The following PAPPA2 variants were observed in gnomAD, a reference collection of about 807,000 sequenced individuals.
The protein encoded by PAPPA2 is pappalysin 2, also known as pappalysin-2.
In PAPPA2, 86 loss-of-function variants were observed where a neutral mutation model predicts 176.4. The observed-to-expected ratio is 0.49, with a 90% CI of 0.41 to 0.58. The LOEUF (loss-of-function observed/expected upper bound fraction) is 0.58. Ranked by LOEUF, PAPPA2 falls within the 20% of genes least tolerant of loss-of-function variation. PAPPA2 has a pLI of 0.00. For missense variants in PAPPA2, 2,073 were observed against 2,256.9 expected, an observed-to-expected ratio of 0.92 and a Z score of 1.65; for synonymous variants, 809 against 852.2, an observed-to-expected ratio of 0.95 and a Z score of 0.88.
intron 15 of PAPPA2, 30 bp from the exon 16 acceptor site, chr1:176,769,577 C>T (rs1230637897): frequency 6.2e-7 from 1 of 1,606,736 alleles, no homozygotes; most frequent in South Asian, 1.1e-5. Context: ...TTTAATGTGA[C>T]TTTGACAGAA....
chr1:176,682,670 C>T (rs1198560073), intron 4 of PAPPA2, among the ~76,000 whole-genome samples: 1 of 152,026 alleles, frequency 6.6e-6, no homozygotes, highest in Non-Finnish European at 1.5e-5. Context: ...ATTCACTTCT[C>T]TTTCTAGCTC....
intron 9 of PAPPA2, among the ~76,000 whole-genome samples, chr1:176,705,038 A>C (rs2102826179): frequency 6.6e-6 from 1 of 152,280 alleles, no homozygotes; most frequent in African/African-American, 2.4e-5. Context: ...TGAAAATATA[A>C]AGTTGCCGAC....
intron 2 of PAPPA2, among the ~76,000 whole-genome samples, chr1:176,573,013 G>A (rs574920532): frequency 1.2e-4 from 18 of 152,292 alleles, no homozygotes; most frequent in African/African-American, 3.6e-4. Flanking sequence ...AGAAACATCC[G>A]GGAAATTGGT....
At chr1:176,674,377 T>C (rs1480741608) in intron 4 of PAPPA2, among the ~76,000 whole-genome samples, 1 of 152,120 alleles carries the variant, frequency 6.6e-6, no homozygotes, top group African/African-American at 2.4e-5. Flanking sequence ...CAGTGTACAC[T>C]GTACCAGTGT....
In PAPPA2 at chr1:176,556,180, T is replaced by C. The variant is rs879112298; in HGVS notation, c.-143T>C. On this transcript the variant is annotated 5_prime_UTR_variant, in exon 2 of 23. Transcript: ENST00000367662. ...GCCAGCAGAGGCATTCTTGGGGCTA[T>C]TTGAAAAAGTTTGGTCTGTGAACAA... is the stretch of plus-strand genomic sequence containing the variant. The C allele has an allele frequency of 1.5e-5, 15 of 982,004 alleles. No individual in the cohort carries two copies. Among genetic ancestry groups the C allele is most frequent in the South Asian group, 1.3e-4 (8 of 61,972 alleles). The allele number at this position is 982,004 out of a possible 1,614,324, so 60.8% of individuals were successfully genotyped here. A position where few individuals can be genotyped will look rare whatever the true frequency, so the allele number is the denominator to read the frequency against.
intron 3 of PAPPA2, among the ~76,000 whole-genome samples, chr1:176,633,447 G>T (rs904542365): frequency 3.9e-5 from 6 of 152,150 alleles, no homozygotes; most frequent in Non-Finnish European, 8.8e-5. Flanking sequence ...GTAAAAATTT[G>T]AAAACCTGAA....
In PAPPA2 at chr1:176,692,246, T is replaced by C. The variant is rs758611699; in HGVS notation, c.2552T>C (p.Met851Thr). 3.7e-6 allele frequency: 6 copies of C among 1,614,038 alleles called. No homozygotes were observed. In the South Asian group the frequency reaches 6.6e-5, roughly 18 times the overall value. The change falls in exon 6 of 23, where the codon ATG becomes ACG. Residue 851 changes from methionine to threonine, a missense_variant. Physicochemically the swap from Met to Thr is moderately conservative, Grantham distance 81. Transcript: ENST00000367662. ...CCCACCCCCATCCCCATTCCACCTA[T>C]GGTCATCGGACAGACCAACAAGTCC... ...RKPTPIPIPPMVIGQTNKSLT... is the reference protein window; with the variant it reads ...RKPTPIPIPPTVIGQTNKSLT...
At chr1:176,526,854 G>T (rs1649524992) in intron 1 of PAPPA2, among the ~76,000 whole-genome samples, 1 of 152,226 alleles carries the variant, frequency 6.6e-6, no homozygotes, top group South Asian at 2.1e-4. Flanking sequence ...TAAACTAAAT[G>T]CTTGTCCCGC....
intron 17 of PAPPA2, among the ~76,000 whole-genome samples, chr1:176,771,466 A>G (rs1185422093): frequency 6.6e-6 from 1 of 152,204 alleles, no homozygotes; most frequent in Non-Finnish European, 1.5e-5. Flanking sequence ...CTGTGCCTGC[A>G]TATACTCATC....
intron 3 of PAPPA2, among the ~76,000 whole-genome samples, chr1:176,614,323 T>A (rs1655092006): frequency 6.6e-6 from 1 of 152,224 alleles, no homozygotes; most frequent in African/African-American, 2.4e-5. Flanking sequence ...AACTTAGTCA[T>A]TTTCCTAGAG....
chr1:176,833,171 A>T (rs1319612695), intron 21 of PAPPA2, among the ~76,000 whole-genome samples: 1 of 152,104 alleles, frequency 6.6e-6, no homozygotes, highest in Non-Finnish European at 1.5e-5. Context: ...CTTCCAGGAG[A>T]TACTCTGTAC....
At chr1:176,721,876 C>A (rs901778960) in intron 12 of PAPPA2, among the ~76,000 whole-genome samples, 2 of 151,926 alleles carry the variant, frequency 1.3e-5, no homozygotes, top group African/African-American at 4.8e-5. Context: ...AATATACATA[C>A]ATTACACCTT....
intron 7 of PAPPA2, among the ~76,000 whole-genome samples, chr1:176,697,924 A>G (rs998507465): frequency 1.3e-5 from 2 of 152,236 alleles, no homozygotes; most frequent in Non-Finnish European, 1.5e-5. Context: ...TTAATGAATC[A>G]ACTCATAATA....
chr1:176,501,767 A>G (rs755007515), intron 1 of PAPPA2, among the ~76,000 whole-genome samples: 10 of 152,084 alleles, frequency 6.6e-5, no homozygotes, highest in Admixed American at 3.3e-4. Flanking sequence ...AAACAACAAC[A>G]TGTCTCAGAG....
At chr1:176,574,989 A>G (rs1451810150) in intron 2 of PAPPA2, among the ~76,000 whole-genome samples, 8 of 152,206 alleles carry the variant, frequency 5.3e-5, no homozygotes, top group Non-Finnish European at 1.2e-4. Context: ...TATGATGTTC[A>G]CACAATGACA....
At chr1:176,513,935 A>G (rs1428270744) in intron 1 of PAPPA2, among the ~76,000 whole-genome samples, 1 of 152,142 alleles carries the variant, frequency 6.6e-6, no homozygotes, top group African/African-American at 2.4e-5. Flanking sequence ...AAAGAGCATC[A>G]TCCATCCACA....
intron 21 of PAPPA2, among the ~76,000 whole-genome samples, chr1:176,808,207 T>C (rs1665990912): frequency 6.6e-6 from 1 of 152,214 alleles, no homozygotes; most frequent in African/African-American, 2.4e-5. Context: ...ATGCAGATTC[T>C]TAGGTTCTGC....
intron 1 of PAPPA2, among the ~76,000 whole-genome samples, chr1:176,517,821 G>A (rs535256506): frequency 1.3e-5 from 2 of 152,234 alleles, no homozygotes; most frequent in East Asian, 3.9e-4. Flanking sequence ...GGCCACCTTC[G>A]ACATGGCAGA....
At chr1:176,567,730 A>G (rs553327066) in intron 2 of PAPPA2, among the ~76,000 whole-genome samples, 29 of 152,346 alleles carry the variant, frequency 1.9e-4, no homozygotes, top group South Asian at 1.5e-3. Flanking sequence ...TAAACAGATT[A>G]TTACAGCCTG....
Sources: gnomAD v4.1 joint callset for allele counts (sites outside exome capture counted in the v4.1 genomes callset) on GRCh38, gnomAD v4.1.1 for gene constraint, MANE v1.5 for transcripts, NCBI Gene and HGNC (gene_info 2026-07-23, HGNC 2026-07-21) for gene names.